The following CCDC136 variants were observed in gnomAD, a reference collection of about 807,000 sequenced individuals.
CCDC136 encodes coiled-coil domain-containing protein 136.
CCDC136 carries 100 observed loss-of-function variants against 141.2 expected under a neutral mutation model. The observed-to-expected ratio is 0.71, with a 90% CI of 0.60 to 0.84. The LOEUF (loss-of-function observed/expected upper bound fraction) is 0.84, where lower values mean the gene tolerates loss of function less well. CCDC136 is among the 40% of genes least tolerant of loss of function. The pLI is 0.00. For missense variants in CCDC136, 1,206 were observed against 1,379.4 expected, an observed-to-expected ratio of 0.87 and a Z score of 1.99; for synonymous variants, 474 against 531.9, an observed-to-expected ratio of 0.89 and a Z score of 1.50.
chr7:128,795,448 G>A (rs1802799652), intron 3 of CCDC136, among the ~76,000 whole-genome samples: 1 of 151,996 alleles, frequency 6.6e-6, no homozygotes, highest in South Asian at 2.1e-4. Flanking sequence ...GGACTCTGGG[G>A]AGAACTGAGA....
rs1199276124 is a variant in CCDC136, at chr7:128,794,826, T to A, written c.346+58T>A. On this transcript the variant is annotated intron_variant, in intron 3 of 17. Transcript: ENST00000297788. The surrounding 1 kb of genome is among the most constrained non-coding windows in gnomAD (Gnocchi z 4.3). Reference sequence around the variant, plus strand: ...GCCATCCAAGTGGTCACCTAAGTACTTTTTTCCTGAGGGTTTGACTGAAGC... The same window carrying A: ...GCCATCCAAGTGGTCACCTAAGTACATTTTTCCTGAGGGTTTGACTGAAGC... The A allele has an allele frequency of 1.0e-5, 14 of 1,375,498 alleles. No individual in the cohort carries two copies. Among genetic ancestry groups the A allele is most frequent in the Non-Finnish European group, 1.4e-5 (14 of 993,006 alleles). The allele number at this position is 1,375,498 out of a possible 1,614,324, so 85.2% of individuals were successfully genotyped here. A position where few individuals can be genotyped will look rare whatever the true frequency, so the allele number is the denominator to read the frequency against.
intron 3 of CCDC136, among the ~76,000 whole-genome samples, chr7:128,799,160 C>T (rs1475270554): frequency 7.0e-6 from 1 of 142,514 alleles, no homozygotes; most frequent in African/African-American, 2.7e-5. Flanking sequence ...AAAGAGACCC[C>T]CATCTCTACA....
intron 17 of CCDC136, among the ~76,000 whole-genome samples, chr7:128,819,552 G>A (rs1218944568): frequency 1.3e-5 from 2 of 152,174 alleles, no homozygotes; most frequent in Non-Finnish European, 2.9e-5. Flanking sequence ...TTAATAAAAA[G>A]AGCACGCACT....
rs547867990 is a variant in CCDC136, at chr7:128,808,740, A to G, written c.1606-710A>G. 4 of 985,294 alleles carry G rather than the reference A, an allele frequency of 4.1e-6. No individual in the cohort carries two copies. In the Admixed American group the frequency reaches 2.5e-4, roughly 61 times the overall value. 61.0% of individuals were successfully genotyped at this position (985,294 alleles called of 1,614,324 possible). On this transcript the variant is annotated intron_variant, in intron 10 of 17. Coordinates refer to ENST00000297788, the MANE Select transcript of CCDC136 (RefSeq NM_022742.5). ...CAGGCTCACGTTTCCTCCTTTTTCC[A>G]CTGCTACTCAATTTAGGAGCCCAGG...
At chr7:128,807,285 A>T (rs1203423025) in intron 9 of CCDC136, 75 bp from the exon 10 acceptor site, 1 of 1,152,082 alleles carries the variant, frequency 8.7e-7, no homozygotes, top group Non-Finnish European at 1.2e-6. Flanking sequence ...GGGTCCCCTT[A>T]GTCCCCGCCT....
Position 128,792,281 on chromosome 7 carries a change from C to A in CCDC136, c.-131C>A. The A allele has an allele frequency of 6.6e-7, 1 of 1,512,564 alleles. No homozygotes were observed. 93.7% of individuals were successfully genotyped at this position (1,512,564 alleles called of 1,614,324 possible). Reference sequence around the variant, plus strand: ...CCTCTGCACCCCAGCCCGCAGCCAGCCCCCCACCCCCCAGCCCCTCCTTTC... The same window carrying A: ...CCTCTGCACCCCAGCCCGCAGCCAGACCCCCACCCCCCAGCCCCTCCTTTC... On this transcript the variant is annotated 5_prime_UTR_variant, in exon 1 of 18. Coordinates refer to ENST00000297788, the MANE Select transcript of CCDC136 (RefSeq NM_022742.5).
Position 128,821,736 on chromosome 7 carries a change from A to C in CCDC136, c.*6-63A>C. The stretch of plus-strand genomic sequence containing the variant: ...TGTCTTGGGCACCCATAGGCAGGTG[A>C]CTTCTGGCTTAGGGCAGGGTTCAGG... On this transcript the variant is annotated intron_variant, in intron 17 of 17. Coordinates refer to ENST00000297788, the MANE Select transcript of CCDC136 (RefSeq NM_022742.5). This position sits in a 1 kb window ranked among gnomAD's most constrained non-coding sequence, Gnocchi z 5.1. The C allele has an allele frequency of 7.9e-7, 1 of 1,261,820 alleles. No individual in the cohort carries two copies. The highest frequency in any genetic ancestry group is 1.0e-6 in the Non-Finnish European group (1 of 963,634). The allele number at this position is 1,261,820 out of a possible 1,614,324, so 78.2% of individuals were successfully genotyped here. A position where few individuals can be genotyped will look rare whatever the true frequency, so the allele number is the denominator to read the frequency against.
At chr7:128,791,558 GCCGCCCCTCCGTCACCTGTCTA>G, upstream of CCDC136, 1 of 1,260,660 alleles carries the variant, frequency 7.9e-7, no homozygotes, top group Non-Finnish European at 1.0e-6. This position sits in a 1 kb window ranked among gnomAD's most constrained non-coding sequence, Gnocchi z 7.1. Context: ...CCAGGTCAGA[GCCGCCCCTCCGTCACCTGTCTA>G]CCGCCCCTCC....
chr7:128,805,658 G>A lies in CCDC136; in HGVS notation c.949-103G>A. On this transcript the variant is annotated intron_variant, in intron 6 of 17. Transcript: ENST00000297788. The surrounding 1 kb of genome is among the most constrained non-coding windows in gnomAD (Gnocchi z 4.6). ...TACTCTGGGGTCTCACTTGCCTGAT[G>A]TAAATCTTCCAGTCAAAGAGCGCCA... 2 of 1,553,570 alleles carry A rather than the reference G, an allele frequency of 1.3e-6. No individual in the cohort carries two copies. The highest frequency in any genetic ancestry group is 8.8e-7 in the Non-Finnish European group (1 of 1,138,898).
chr7:128,810,171 G>T lies in CCDC136; in HGVS notation c.1833G>T (p.Leu611=). ...SQELLTKLED[L]CELQLLYQGM... The stretch of plus-strand genomic sequence containing the variant: ...AGCTACTCACCAAGTTAGAAGACCT[G>T]TGTGAGCTGCAGCTGCTCTACCAAG... The change falls in exon 12 of 18, where the codon CTG becomes CTT. Residue 611 remains leucine, a synonymous_variant. Coordinates refer to ENST00000297788, the MANE Select transcript of CCDC136 (RefSeq NM_022742.5). The T allele has an allele frequency of 6.2e-7, 1 of 1,602,214 alleles. No homozygotes were observed. The highest frequency in any genetic ancestry group is 1.1e-5 in the South Asian group (1 of 88,844).
Position 128,805,929 on chromosome 7 carries a change from G to C in CCDC136, c.1089+28G>C, listed in dbSNP as rs1253800732. On this transcript the variant is annotated intron_variant, in intron 7 of 17. Coordinates refer to ENST00000297788, the MANE Select transcript of CCDC136 (RefSeq NM_022742.5). The surrounding 1 kb of genome is among the most constrained non-coding windows in gnomAD (Gnocchi z 4.6). ...AAACACTGCCCGGGGAGGCATCTGG[G>C]GTGGGGGCAGAAGGGCCTCATGGAG... 9.3e-6 allele frequency: 15 copies of C among 1,612,918 alleles called. No individual in the cohort carries two copies. The highest frequency in any genetic ancestry group is 1.3e-5 in the Non-Finnish European group (15 of 1,179,642).
chr7:128,806,163 G>C, intron 7 of CCDC136, 74 bp from the exon 8 acceptor site: 1 of 1,363,530 alleles, frequency 7.3e-7, no homozygotes, highest in Non-Finnish European at 9.9e-7. Flanking sequence ...ATCTGAAAAG[G>C]AACCCAACTG....
intron 3 of CCDC136, among the ~76,000 whole-genome samples, chr7:128,795,503 A>G (rs1258115848): frequency 1.3e-5 from 2 of 152,062 alleles, no homozygotes; most frequent in Non-Finnish European, 2.9e-5. Flanking sequence ...AAGGAAGGCC[A>G]GGAAGCAGGC....
chr7:128,804,549 T>C, intron 4 of CCDC136, 101 bp from the exon 5 acceptor site: 1 of 709,136 alleles, frequency 1.4e-6, no homozygotes, highest in East Asian at 2.8e-5. Flanking sequence ...GAGAAGCTCT[T>C]TAACCTTCTG....
At position 128,815,713 on chromosome 7, in the gene CCDC136, C is replaced by A. The variant is rs4728137; in HGVS notation, c.3145C>A (p.Gln1049Lys). ...KKEEMEEEKK[Q>K]VKEEAKEQCG... ...AGAGGAGATGGAGGAGGAAAAAAAGCAAGTGAAAGAGGAAGCAAAGGAGCA... is the reference window on the plus strand; with the variant it reads ...AGAGGAGATGGAGGAGGAAAAAAAGAAAGTGAAAGAGGAAGCAAAGGAGCA... The change falls in exon 16 of 18, where the codon CAA (glutamine) becomes AAA (lysine). Residue 1049 changes from glutamine to lysine, a missense_variant. Gln to Lys is a moderately conservative substitution (Grantham distance 53). Coordinates refer to ENST00000297788, the MANE Select transcript of CCDC136 (RefSeq NM_022742.5). 6.4e-7 allele frequency: 1 copy of A among 1,556,514 alleles called. No individual in the cohort carries two copies.
chr7:128,815,547 C>G, intron 15 of CCDC136, 67 bp from the exon 16 acceptor site: 2 of 1,461,232 alleles, frequency 1.4e-6, no homozygotes, highest in Non-Finnish European at 1.8e-6. Context: ...GCTAGTACAG[C>G]ATTGTCATGA....
At chr7:128,796,739 A>ATT (rs1554377202) in intron 3 of CCDC136, among the ~76,000 whole-genome samples, 6 of 113,384 alleles carry the variant, frequency 5.3e-5, no homozygotes, top group African/African-American at 1.8e-4. Context: ...ATATATATAT[A>ATT]TTCTTTTTTT....
At chr7:128,820,058 G>A (rs1186778750) in intron 17 of CCDC136, among the ~76,000 whole-genome samples, 1 of 152,180 alleles carries the variant, frequency 6.6e-6, no homozygotes, top group African/African-American at 2.4e-5. Flanking sequence ...GGTTTTGTGT[G>A]TATGTGTTTT....
upstream of CCDC136, chr7:128,791,384 C>T: frequency 4.0e-6 from 3 of 741,576 alleles, no homozygotes; most frequent in South Asian, 5.0e-5. The surrounding 1 kb of genome is among the most constrained non-coding windows in gnomAD (Gnocchi z 7.1). Flanking sequence ...CCCGGCCAGG[C>T]CCCGCCCCCT....
Sources: allele counts gnomAD v4.1 joint callset (sites outside exome capture counted in the v4.1 genomes callset), GRCh38; gene constraint gnomAD v4.1.1; non-coding constraint Gnocchi (gnomAD v3.1); transcripts MANE v1.5; gene names NCBI Gene and HGNC (gene_info 2026-07-23, HGNC 2026-07-21).